The following IPCEF1 variants were observed in gnomAD, a reference collection of about 807,000 sequenced individuals.
The protein encoded by IPCEF1 is interactor protein for cytohesin exchange factors 1.
A neutral mutation model predicts 50.9 loss-of-function variants in IPCEF1; 31 were observed. The observed-to-expected ratio is 0.61, with a 90% CI of 0.46 to 0.82. IPCEF1 has a LOEUF of 0.82. Among genes scored for constraint, IPCEF1 ranks in the 40% least tolerant of loss-of-function variants. The probability of loss-of-function intolerance (pLI) is 0.00; values close to 1 mark genes in which losing one functional copy is unlikely to be tolerated. For synonymous variants in IPCEF1, 181 were observed against 192.0 expected, an observed-to-expected ratio of 0.94 and a Z score of 0.47; for missense variants, 458 against 514.0, an observed-to-expected ratio of 0.89 and a Z score of 1.05.
At chr6:154,238,510 C>T (rs1255766156) in intron 5 of IPCEF1, among the ~76,000 whole-genome samples, 1 of 152,152 alleles carries the variant, frequency 6.6e-6, no homozygotes, top group African/African-American at 2.4e-5. Context: ...AGGTGATCTG[C>T]CTGTCTTGGC....
At chr6:154,290,974 A>C (rs1583953104) in intron 1 of IPCEF1, among the ~76,000 whole-genome samples, 1 of 148,816 alleles carries the variant, frequency 6.7e-6, no homozygotes, top group Non-Finnish European at 1.5e-5. Flanking sequence ...GCTCACTGCA[A>C]CCTCCGCCTC....
At chr6:154,217,250 T>A (rs1328426169) in intron 7 of IPCEF1, 1 of 161,282 alleles carries the variant, frequency 6.2e-6, no homozygotes, top group Non-Finnish European at 1.4e-5. Flanking sequence ...ATTCAAGGGT[T>A]TAGATGTAGA....
At chr6:154,188,773 C>T (rs888577223) in intron 10 of IPCEF1, among the ~76,000 whole-genome samples, 8 of 152,052 alleles carry the variant, frequency 5.3e-5, no homozygotes, top group African/African-American at 9.7e-5. Flanking sequence ...AGAAAAATGG[C>T]GTGTACAGAA....
chr6:154,355,037 CACACA>C (rs1784192401), intron 1 of IPCEF1, among the ~76,000 whole-genome samples: 3 of 135,318 alleles, frequency 2.2e-5, no homozygotes, highest in African/African-American at 9.8e-5. Flanking sequence ...CACACACACA[CACACA>C]CACCATTTGC....
At chr6:154,198,466 G>T (rs17085185) in intron 10 of IPCEF1, among the ~76,000 whole-genome samples, 15,460 of 152,070 alleles carry the variant, frequency 0.1, 1,251 homozygotes, top group African/African-American at 0.22. Context: ...CTAGATAGTT[G>T]GCCTAAATAA....
intron 6 of IPCEF1, 50 bp downstream of exon 6, chr6:154,223,120 A>C: frequency 6.7e-5 from 90 of 1,341,470 alleles, no homozygotes; most frequent in Non-Finnish European, 8.5e-5. Flanking sequence ...AACATTATGA[A>C]GAGATAGTAT....
chr6:154,314,644 C>A lies in IPCEF1; in HGVS notation c.-61-24888G>T, dbSNP rs141403943. 1.1e-4 allele frequency among the ~76,000 whole-genome samples: 16 copies of A among 152,220 alleles called. 1 individual carries two copies. The East Asian group carries it at 2.9e-3, about 28-fold the overall frequency. On this transcript the variant is annotated intron_variant, in intron 1 of 11. Transcript: ENST00000367220. Reference sequence around the variant, plus strand: ...ATTAATTACTGTTTCTAATTGAATTCTCGTATCTATTGATCATCTCCCCAA... The same window carrying A: ...ATTAATTACTGTTTCTAATTGAATTATCGTATCTATTGATCATCTCCCCAA...
chr6:154,215,593 C>T (rs566430299), intron 7 of IPCEF1, among the ~76,000 whole-genome samples: 61 of 151,690 alleles, frequency 4.0e-4, no homozygotes, highest in African/African-American at 9.0e-4. Context: ...GCAACAAGAG[C>T]GAAACTCCAT....
intron 2 of IPCEF1, among the ~76,000 whole-genome samples, chr6:154,277,136 C>T (rs1169688672): frequency 6.6e-6 from 1 of 152,146 alleles, no homozygotes; most frequent in Non-Finnish European, 1.5e-5. Flanking sequence ...ACGTCCTGGT[C>T]AGAATCCCAC....
At chr6:154,262,266 C>T (rs546789109) in intron 3 of IPCEF1, among the ~76,000 whole-genome samples, 3 of 152,256 alleles carry the variant, frequency 2.0e-5, no homozygotes, top group South Asian at 4.1e-4. Context: ...GAATAGAATT[C>T]ATTTGTACAC....
chr6:154,346,184 T>C (rs1482140357), intron 1 of IPCEF1, among the ~76,000 whole-genome samples: 1 of 152,154 alleles, frequency 6.6e-6, no homozygotes, highest in Non-Finnish European at 1.5e-5. Context: ...ATGTACATTA[T>C]TAAAAAGCAA....
chr6:154,355,764 C>T (rs1018313243), intron 1 of IPCEF1, among the ~76,000 whole-genome samples: 3 of 151,960 alleles, frequency 2.0e-5, no homozygotes, highest in African/African-American at 7.2e-5. Flanking sequence ...GCTGGGATTA[C>T]AAGCGTGAGC....
intron 5 of IPCEF1, among the ~76,000 whole-genome samples, chr6:154,233,841 G>T (rs1779908688): frequency 6.6e-6 from 1 of 152,156 alleles, no homozygotes; most frequent in Non-Finnish European, 1.5e-5. Context: ...TCTTTCACCT[G>T]TGCAGAGGTC....
At chr6:154,180,414 A>ATATATATT (rs1241250621) in intron 10 of IPCEF1, among the ~76,000 whole-genome samples, 49 of 65,254 alleles carry the variant, frequency 7.5e-4, no homozygotes, top group South Asian at 1.6e-3. Context: ...ATATATATAT[A>ATATATATT]TTTTTTTTTT....
chr6:154,322,856 C>T (rs1172454352), intron 1 of IPCEF1, among the ~76,000 whole-genome samples: 2 of 151,622 alleles, frequency 1.3e-5, no homozygotes, highest in Non-Finnish European at 2.9e-5. Flanking sequence ...AAAATTATCT[C>T]GAAAGAAATG....
At chr6:154,225,789 C>T (rs879480343) in intron 5 of IPCEF1, among the ~76,000 whole-genome samples, 4 of 152,164 alleles carry the variant, frequency 2.6e-5, no homozygotes, top group Admixed American at 6.5e-5. Context: ...TAGGCTAAGG[C>T]GTTTTTATGT....
intron 2 of IPCEF1, among the ~76,000 whole-genome samples, chr6:154,284,551 C>G (rs898739494): frequency 5.3e-5 from 8 of 152,166 alleles, no homozygotes; most frequent in African/African-American, 1.9e-4. Context: ...GCCCCACACC[C>G]TCCTTCTGTG....
At chr6:154,187,276 C>T (rs972442139) in intron 10 of IPCEF1, among the ~76,000 whole-genome samples, 4 of 152,178 alleles carry the variant, frequency 2.6e-5, no homozygotes, top group African/African-American at 9.7e-5. Context: ...TCTCTAACCC[C>T]CTTGCCCTGC....
At chr6:154,180,867 A>C (rs1165870666) in intron 10 of IPCEF1, among the ~76,000 whole-genome samples, 2 of 152,188 alleles carry the variant, frequency 1.3e-5, no homozygotes, top group Non-Finnish European at 2.9e-5. Flanking sequence ...TTAGTTCCCC[A>C]ACATGCAACA....
Sources: gnomAD v4.1 joint callset for allele counts (sites outside exome capture counted in the v4.1 genomes callset) on GRCh38, gnomAD v4.1.1 for gene constraint, MANE v1.5 for transcripts, NCBI Gene and HGNC (gene_info 2026-07-23, HGNC 2026-07-21) for gene names.